The following CYYR1 variants were observed in gnomAD, a reference collection of about 807,000 sequenced individuals.
CYYR1 encodes cysteine and tyrosine rich 1.
CYYR1 carries 14 observed loss-of-function variants against 15.2 expected under a neutral mutation model. The observed-to-expected ratio is 0.92, with a 90% CI of 0.61 to 1.44. The LOEUF (loss-of-function observed/expected upper bound fraction) is 1.44. Among genes scored for constraint, CYYR1 ranks in the 40% most tolerant of loss-of-function variants. The probability of loss-of-function intolerance (pLI) is 0.00; values close to 1 mark genes in which losing one functional copy is unlikely to be tolerated. For synonymous variants in CYYR1, 80 were observed against 77.4 expected, an observed-to-expected ratio of 1.03 and a Z score of -0.18; for missense variants, 228 against 209.5, an observed-to-expected ratio of 1.09 and a Z score of -0.54.
At chr21:26,530,061 C>A (rs2123599566) in intron 2 of CYYR1, among the ~76,000 whole-genome samples, 1 of 152,174 alleles carries the variant, frequency 6.6e-6, no homozygotes, top group Middle Eastern at 3.4e-3. Context: ...AATAAATAAA[C>A]CATTCTTCTA....
At chr21:26,477,804 A>C in intron 3 of CYYR1, 1 of 983,902 alleles carries the variant, frequency 1.0e-6, no homozygotes, top group Non-Finnish European at 1.2e-6. Context: ...TGGTTTGACC[A>C]AGGGAAAAAA....
chr21:26,572,799 G>A, intron 1 of CYYR1, 69 bp downstream of exon 1: 2 of 1,582,526 alleles, frequency 1.3e-6, no homozygotes, highest in Non-Finnish European at 8.6e-7. Flanking sequence ...CTCAACCCAC[G>A]TTAGCCCGGA....
At chr21:26,498,158 A>T (rs956799153) in intron 2 of CYYR1, among the ~76,000 whole-genome samples, 2 of 152,184 alleles carry the variant, frequency 1.3e-5, no homozygotes, top group African/African-American at 4.8e-5. Context: ...TACAACAATG[A>T]TCTAGAAGGT....
At chr21:26,499,845 T>G (rs1049880794) in intron 2 of CYYR1, among the ~76,000 whole-genome samples, 24 of 151,666 alleles carry the variant, frequency 1.6e-4, no homozygotes, top group Admixed American at 1.2e-3. Flanking sequence ...TGTTTTTTTT[T>G]TTTTTTTCAG....
At chr21:26,472,644 T>A (rs1279276952) in intron 3 of CYYR1, among the ~76,000 whole-genome samples, 2 of 152,082 alleles carry the variant, frequency 1.3e-5, no homozygotes, top group Non-Finnish European at 2.9e-5. Context: ...TAAATGAGGA[T>A]CTTAATTTCA....
intron 2 of CYYR1, among the ~76,000 whole-genome samples, chr21:26,527,775 G>C (rs7282149): frequency 1.3e-5 from 2 of 151,882 alleles, no homozygotes; most frequent in Non-Finnish European, 2.9e-5. Context: ...TATAGGTCCC[G>C]GGAGAATATT....
At chr21:26,558,380 T>G (rs1979952299) in intron 2 of CYYR1, among the ~76,000 whole-genome samples, 1 of 152,216 alleles carries the variant, frequency 6.6e-6, no homozygotes, top group African/African-American at 2.4e-5. Context: ...AGACAGGGTC[T>G]TGCTATGTTG....
chr21:26,572,910 C>T lies in CYYR1; in HGVS notation c.31G>A (p.Gly11Arg), dbSNP rs751249082. 1.9e-6 allele frequency: 3 copies of T among 1,613,968 alleles called. No individual in the cohort carries two copies. MDAPRLPVRP[G>R]VLLPKLVLLF... The stretch of plus-strand genomic sequence containing the variant: ...AGGACCAACTTCGGAAGCAAGACCC[C>T]TGGACGCACGGGTAGCCTCGGAGCG... The change falls in exon 1 of 4, where the codon GGG (glycine) becomes AGG (arginine). Residue 11 changes from glycine (G) to arginine (R), a missense_variant. Physicochemically the swap from Gly to Arg is moderately radical, Grantham distance 125. Coordinates refer to ENST00000652641, the MANE Select transcript of CYYR1 (RefSeq NM_001320768.2).
At chr21:26,487,916 CAAA>C (rs3085022) in intron 2 of CYYR1, among the ~76,000 whole-genome samples, 285 of 143,078 alleles carry the variant, frequency 2.0e-3, no homozygotes, top group African/African-American at 3.1e-3. Context: ...ACATTACTTG[CAAA>C]AAAAAAAAAA....
chr21:26,476,612 C>CTATCTATT (rs895574533), intron 3 of CYYR1, among the ~76,000 whole-genome samples: 1 of 151,826 alleles, frequency 6.6e-6, no homozygotes, highest in African/African-American at 2.4e-5. Context: ...ATCTATCTAT[C>CTATCTATT]TATCTATCTA....
chr21:26,510,840 TC>T (rs1243962206), intron 2 of CYYR1, among the ~76,000 whole-genome samples: 1 of 152,218 alleles, frequency 6.6e-6, no homozygotes, highest in Non-Finnish European at 1.5e-5. Context: ...ATCCTATTTG[TC>T]AGTGTTATCT....
intron 2 of CYYR1, among the ~76,000 whole-genome samples, chr21:26,530,535 C>G (rs540880934): frequency 8.5e-5 from 13 of 152,078 alleles, no homozygotes; most frequent in South Asian, 6.2e-4. Context: ...CATATGTATA[C>G]ACGTGCCATG....
intron 2 of CYYR1, among the ~76,000 whole-genome samples, chr21:26,563,838 A>T (rs1455619749): frequency 6.6e-6 from 1 of 152,232 alleles, no homozygotes; most frequent in Non-Finnish European, 1.5e-5. Flanking sequence ...TGCCCAAATT[A>T]TATTTTGCTC....
intron 2 of CYYR1, among the ~76,000 whole-genome samples, chr21:26,503,429 ATAAC>A (rs1481677088): frequency 2.0e-5 from 3 of 152,358 alleles, no homozygotes; most frequent in African/African-American, 7.2e-5. Context: ...TATTGAATAA[ATAAC>A]TAAAAATCCC....
At chr21:26,506,313 T>A (rs1314772756) in intron 2 of CYYR1, among the ~76,000 whole-genome samples, 1 of 152,250 alleles carries the variant, frequency 6.6e-6, no homozygotes, top group Non-Finnish European at 1.5e-5. Context: ...TTAATTTATC[T>A]GCATTGTGAC....
chr21:26,491,604 G>T (rs1251246709), intron 2 of CYYR1, among the ~76,000 whole-genome samples: 1 of 152,156 alleles, frequency 6.6e-6, no homozygotes, highest in African/African-American at 2.4e-5. Context: ...GATATTTAAA[G>T]ATTTAATAAG....
chr21:26,498,323 C>T (rs2065434628), intron 2 of CYYR1, among the ~76,000 whole-genome samples: 1 of 152,090 alleles, frequency 6.6e-6, no homozygotes, highest in South Asian at 2.1e-4. Flanking sequence ...CTTATAGGAT[C>T]ACGTCCAAAT....
intron 2 of CYYR1, 38 bp downstream of exon 2, chr21:26,566,228 G>A (rs1980602981): frequency 4.9e-6 from 7 of 1,429,986 alleles, no homozygotes; most frequent in Non-Finnish European, 6.9e-6. Flanking sequence ...TGGACAAGAG[G>A]AAGAGCATCA....
chr21:26,542,897 T>C (rs1978672182), intron 2 of CYYR1, among the ~76,000 whole-genome samples: 1 of 152,214 alleles, frequency 6.6e-6, no homozygotes. Context: ...AGCAAATTAC[T>C]ATTTAGGAAA....
Sources: gnomAD v4.1 joint callset for allele counts (sites outside exome capture counted in the v4.1 genomes callset) on GRCh38, gnomAD v4.1.1 for gene constraint, MANE v1.5 for transcripts, NCBI Gene and HGNC (gene_info 2026-07-23, HGNC 2026-07-21) for gene names.